The following KCNB2 variants were observed in gnomAD, a reference collection of about 807,000 sequenced individuals.
KCNB2 encodes delayed rectifier potassium channel protein.
Under a neutral mutation model 61.5 loss-of-function variants are expected in KCNB2, and 15 were observed. That is an observed-to-expected ratio of 0.24 (90% CI 0.16 to 0.38). The LOEUF is 0.38. Among genes scored for constraint, KCNB2 ranks in the 10% least tolerant of loss-of-function variants. The pLI, the probability that KCNB2 is intolerant of heterozygous loss-of-function variation, is 1.00. For missense variants in KCNB2, 828 were observed against 1,125.2 expected (o/e 0.74, Z 3.78); for synonymous variants, 457 against 446.0 (o/e 1.02, Z -0.31).
intron 2 of KCNB2, among the ~76,000 whole-genome samples, chr8:72,918,811 A>G (rs939651989): frequency 1.3e-5 from 2 of 152,138 alleles, no homozygotes; most frequent in Non-Finnish European, 2.9e-5. Flanking sequence ...TTGCAGTTTT[A>G]TGTGCTATTG....
intron 2 of KCNB2, among the ~76,000 whole-genome samples, chr8:72,706,268 C>T (rs1177442139): frequency 6.6e-6 from 1 of 152,172 alleles, no homozygotes; most frequent in East Asian, 1.9e-4. Flanking sequence ...AAAATAATTG[C>T]TACAAATAAT....
At chr8:72,589,069 C>A (rs918856176) in intron 2 of KCNB2, among the ~76,000 whole-genome samples, 1 of 152,222 alleles carries the variant, frequency 6.6e-6, no homozygotes, top group Non-Finnish European at 1.5e-5. Context: ...GGAAAACATA[C>A]CAACAAGGAG....
chr8:72,669,832 G>A (rs968363128), intron 2 of KCNB2, among the ~76,000 whole-genome samples: 5 of 152,136 alleles, frequency 3.3e-5, no homozygotes, highest in African/African-American at 7.2e-5. Flanking sequence ...TGCCAGCCTC[G>A]TTGCCTACTT....
chr8:72,767,722 T>G (rs1808483626), intron 2 of KCNB2, among the ~76,000 whole-genome samples: 1 of 152,236 alleles, frequency 6.6e-6, no homozygotes, highest in Non-Finnish European at 1.5e-5. Context: ...ATATGTGTTT[T>G]CAGTTCTCTA....
chr8:72,699,115 G>A (rs1481769085), intron 2 of KCNB2, among the ~76,000 whole-genome samples: 2 of 152,126 alleles, frequency 1.3e-5, no homozygotes, highest in African/African-American at 4.8e-5. Context: ...ACTGACAAAG[G>A]TATGACATCT....
intron 2 of KCNB2, among the ~76,000 whole-genome samples, chr8:72,777,771 G>A (rs995915133): frequency 2.6e-5 from 4 of 152,110 alleles, no homozygotes; most frequent in African/African-American, 9.7e-5. Flanking sequence ...GTATAATACA[G>A]GACATTCTAC....
At chr8:72,827,448 A>C (rs1809614038) in intron 2 of KCNB2, among the ~76,000 whole-genome samples, 1 of 152,212 alleles carries the variant, frequency 6.6e-6, no homozygotes, top group African/African-American at 2.4e-5. Context: ...TTTAAAAAAA[A>C]ACTGAACAAT....
At chr8:72,695,105 A>G (rs891774574) in intron 2 of KCNB2, among the ~76,000 whole-genome samples, 1 of 152,122 alleles carries the variant, frequency 6.6e-6, no homozygotes, top group East Asian at 1.9e-4. Flanking sequence ...GTTTAGAGGA[A>G]TCATTTGAGG....
chr8:72,768,000 C>A (rs1415212594), intron 2 of KCNB2, among the ~76,000 whole-genome samples: 1 of 152,034 alleles, frequency 6.6e-6, no homozygotes, highest in Non-Finnish European at 1.5e-5. Context: ...TGTTTATTGG[C>A]CTTTGTATAT....
chr8:72,792,282 G>T (rs1347313911), intron 2 of KCNB2, among the ~76,000 whole-genome samples: 1 of 152,068 alleles, frequency 6.6e-6, no homozygotes, highest in Non-Finnish European at 1.5e-5. Context: ...CATTTCTCTG[G>T]CTTAATCAGC....
At position 72,568,369 on chromosome 8, in the gene KCNB2, G is replaced by A. The variant is rs541337536; in HGVS notation, c.579+56G>A. 1.9e-5 allele frequency: 27 copies of A among 1,394,952 alleles called. No homozygotes were observed. In the African/African-American group the frequency reaches 2.7e-4, roughly 14 times the overall value. 86.4% of individuals were successfully genotyped at this position (1,394,952 alleles called of 1,614,324 possible). On this transcript the variant is annotated intron_variant, in intron 2 of 2. Transcript: ENST00000523207. ...TGTGGTCAGAAAAGATGCTACCTAC[G>A]TTCTAGAGAGTATAAGTTTTTTTAC... is the stretch of plus-strand genomic sequence containing the variant.
At chr8:72,579,469 G>A (rs534095380) in intron 2 of KCNB2, among the ~76,000 whole-genome samples, 2 of 152,284 alleles carry the variant, frequency 1.3e-5, no homozygotes, top group East Asian at 1.9e-4. Context: ...CGGAGGCTAA[G>A]ACAAGTAGAA....
intron 2 of KCNB2, among the ~76,000 whole-genome samples, chr8:72,891,105 G>A (rs192170523): frequency 1.3e-5 from 2 of 152,276 alleles, no homozygotes; most frequent in East Asian, 3.9e-4. Flanking sequence ...TTGTGCCAGG[G>A]TACAGTGTCA....
intron 2 of KCNB2, among the ~76,000 whole-genome samples, chr8:72,595,144 C>G (rs551418327): frequency 6.6e-6 from 1 of 152,080 alleles, no homozygotes; most frequent in South Asian, 2.1e-4. Flanking sequence ...AACTCCCTAA[C>G]AGAGCCCTTC....
intron 2 of KCNB2, among the ~76,000 whole-genome samples, chr8:72,885,472 T>C (rs548318523): frequency 2.0e-5 from 3 of 152,168 alleles, no homozygotes; most frequent in South Asian, 2.1e-4. Context: ...ACTGATTCAG[T>C]TTATTTAATG....
At chr8:72,661,622 C>T (rs757319813) in intron 2 of KCNB2, among the ~76,000 whole-genome samples, 11 of 152,156 alleles carry the variant, frequency 7.2e-5, no homozygotes, top group Non-Finnish European at 1.3e-4. Context: ...ACTTTAACTT[C>T]CTTGAGGAGT....
chr8:72,709,348 C>T (rs1468853110), intron 2 of KCNB2, among the ~76,000 whole-genome samples: 1 of 152,070 alleles, frequency 6.6e-6, no homozygotes, highest in Non-Finnish European at 1.5e-5. Flanking sequence ...ATTTGGCTAG[C>T]CTTCTGTATT....
chr8:72,904,282 A>G (rs888728385), intron 2 of KCNB2, among the ~76,000 whole-genome samples: 1 of 152,110 alleles, frequency 6.6e-6, no homozygotes, highest in South Asian at 2.1e-4. Flanking sequence ...AAAGTTATTC[A>G]CTTTTCTGTA....
At chr8:72,538,616 A>G (rs1350415256) in intron 1 of KCNB2, among the ~76,000 whole-genome samples, 1 of 152,230 alleles carries the variant, frequency 6.6e-6, no homozygotes, top group Non-Finnish European at 1.5e-5. Flanking sequence ...TTCAACAATA[A>G]GTAATAATGC....
Sources: allele counts gnomAD v4.1 joint callset (sites outside exome capture counted in the v4.1 genomes callset), GRCh38; gene constraint gnomAD v4.1.1; transcripts MANE v1.5; gene names NCBI Gene and HGNC (gene_info 2026-07-23, HGNC 2026-07-21).